UNC93B1: variants seen among roughly 807,000 people sequenced by gnomAD.
The protein encoded by UNC93B1 is unc-93B1 regulator of TLR signaling, also known as protein unc-93 homolog B1.
A neutral mutation model predicts 56.8 loss-of-function variants in UNC93B1; 33 were observed. That is an observed-to-expected ratio of 0.58 (90% CI 0.44 to 0.78). UNC93B1 has a LOEUF of 0.78. Ranked by LOEUF, UNC93B1 falls within the 30% of genes least tolerant of loss-of-function variation. The pLI, the probability that UNC93B1 is intolerant of heterozygous loss-of-function variation, is 0.00. For missense variants in UNC93B1, 673 were observed against 819.5 expected (o/e 0.82, Z 2.18); for synonymous variants, 334 against 358.6 (o/e 0.93, Z 0.77).
In UNC93B1 at chr11:68,003,444, G is replaced by C. The variant is rs1455641083; in HGVS notation, c.238+213C>G. 4 of 846,856 alleles carry C rather than the reference G, an allele frequency of 4.7e-6. No individual in the cohort carries two copies. In the Admixed American group the frequency reaches 1.1e-4, roughly 22 times the overall value. 52.5% of individuals were successfully genotyped at this position (846,856 alleles called of 1,614,324 possible). On this transcript the variant is annotated intron_variant, in intron 2 of 10. Transcript: ENST00000227471. This position sits in a 1 kb window ranked among gnomAD's most constrained non-coding sequence, Gnocchi z 4.4. ...GGTCTGTCCGGGAGCCCGGACCCCCGTCCCCCACCCACACCGAGGCTCTGG... is the reference window on the plus strand; with the variant it reads ...GGTCTGTCCGGGAGCCCGGACCCCCCTCCCCCACCCACACCGAGGCTCTGG...
Position 68,003,907 on chromosome 11 carries a change from A to C in UNC93B1, c.96+41T>G. 1 of 1,328,370 alleles carries C rather than the reference A, an allele frequency of 7.5e-7. No homozygotes were observed. Among genetic ancestry groups the C allele is most frequent in the Non-Finnish European group, 9.6e-7 (1 of 1,038,730 alleles). The allele number at this position is 1,328,370 out of a possible 1,614,324, so 82.3% of individuals were successfully genotyped here. On this transcript the variant is annotated intron_variant, in intron 1 of 10. Transcript: ENST00000227471. This position sits in a 1 kb window ranked among gnomAD's most constrained non-coding sequence, Gnocchi z 4.4. ...GCCCCCGCCGGGGGGACCCTGGCCC[A>C]CAGGGGACGCCCGCGCCTCGCACTC... is the stretch of plus-strand genomic sequence containing the variant.
Position 68,003,931 on chromosome 11 carries a change from T to C in UNC93B1, c.96+17A>G. ...CACAGGGGACGCCCGCGCCTCGCAC[T>C]CCGGGTCCCCGCTCACCGGGGCCTC... is the stretch of plus-strand genomic sequence containing the variant. On this transcript the variant is annotated intron_variant, in intron 1 of 10. Transcript: ENST00000227471. The surrounding 1 kb of genome is among the most constrained non-coding windows in gnomAD (Gnocchi z 4.4). 1 of 1,369,006 alleles carries C rather than the reference T, an allele frequency of 7.3e-7. No homozygotes were observed. The highest frequency in any genetic ancestry group is 9.5e-7 in the Non-Finnish European group (1 of 1,056,758). The allele number at this position is 1,369,006 out of a possible 1,614,324, so 84.8% of individuals were successfully genotyped here.
intron 5 of UNC93B1, 151 bp downstream of exon 5, chr11:67,999,022 T>G: frequency 7.7e-7 from 1 of 1,295,248 alleles, no homozygotes; most frequent in South Asian, 1.6e-5. Flanking sequence ...GCCCAGGAGT[T>G]CAAAGCCATC....
intron 3 of UNC93B1, among the ~76,000 whole-genome samples, chr11:68,001,320 A>G (rs931197868): frequency 5.9e-5 from 9 of 152,220 alleles, no homozygotes; most frequent in Non-Finnish European, 1.2e-4. Flanking sequence ...TATGGCTTGG[A>G]CCTAGTAAAG....
intron 8 of UNC93B1, 53 bp downstream of exon 8, chr11:67,996,549 T>C (rs1444114707): frequency 6.8e-7 from 1 of 1,478,512 alleles, no homozygotes; most frequent in Non-Finnish European, 9.0e-7. Flanking sequence ...TGAATTCAAA[T>C]TTACCTGGCT....
intron 10 of UNC93B1, among the ~76,000 whole-genome samples, chr11:67,992,905 C>T (rs1267437878): frequency 3.9e-5 from 6 of 151,914 alleles, no homozygotes; most frequent in Admixed American, 2.6e-4. Context: ...GATCTCAGAA[C>T]CCCCACCTCA....
chr11:67,995,318 C>T (rs1331236437), intron 9 of UNC93B1, among the ~76,000 whole-genome samples: 1 of 152,094 alleles, frequency 6.6e-6, no homozygotes, highest in Non-Finnish European at 1.5e-5. Context: ...GTTGATGGGG[C>T]CCTGTGCCCG....
At chr11:67,996,555 T>C in intron 8 of UNC93B1, 47 bp downstream of exon 8, 2 of 1,482,534 alleles carry the variant, frequency 1.3e-6, no homozygotes, top group South Asian at 2.7e-5. Context: ...CAAATTTACC[T>C]GGCTATCTTG....
chr11:68,000,213 G>A (rs1857023991), intron 3 of UNC93B1, among the ~76,000 whole-genome samples: 1 of 152,226 alleles, frequency 6.6e-6, no homozygotes, highest in Non-Finnish European at 1.5e-5. Context: ...GACAATAGAA[G>A]GGGCTTGGTG....
chr11:68,003,782 C>T lies in UNC93B1; in HGVS notation c.113G>A (p.Gly38Asp). 1.3e-6 allele frequency: 2 copies of T among 1,510,158 alleles called. No homozygotes were observed. The highest frequency in any genetic ancestry group is 1.8e-6 in the Non-Finnish European group (2 of 1,136,080). The allele number at this position is 1,510,158 out of a possible 1,614,324, so 93.5% of individuals were successfully genotyped here. A position where few individuals can be genotyped will look rare whatever the true frequency, so the allele number is the denominator to read the frequency against. The change falls in exon 2 of 11, where the codon GGC becomes GAC. Residue 38 changes from glycine to aspartate, a missense_variant. Physicochemically the swap from Gly to Asp is moderately conservative, Grantham distance 94. Coordinates refer to ENST00000227471, the MANE Select transcript of UNC93B1 (RefSeq NM_030930.4). The surrounding 1 kb of genome is among the most constrained non-coding windows in gnomAD (Gnocchi z 4.4). ...CTCCTCGTTGTAGTTGGGGTACGCG[C>T]CCACCAGCTCGTCCAGCTGCGAGCC... ...GPEAPLDELVGAYPNYNEEEE... is the reference protein window; with the variant it reads ...GPEAPLDELVDAYPNYNEEEE...
chr11:67,997,918 A>G (rs1282352737), intron 6 of UNC93B1, 119 bp from the exon 7 acceptor site: 30 of 1,435,412 alleles, frequency 2.1e-5, no homozygotes, highest in Admixed American at 6.0e-5. Context: ...GAGTGAGAGC[A>G]AGGGCAGAGT....
At position 67,996,789 on chromosome 11, in the gene UNC93B1, G is replaced by T; in HGVS notation, c.907-5C>A. 1 of 1,539,940 alleles carries T rather than the reference G, an allele frequency of 6.5e-7. No individual in the cohort carries two copies. ...GGCTCCGCACAAACCCAGCACCTGC[G>T]AACCCATTACTTGAAGGGGCGGCCA... On this transcript the variant is annotated splice_polypyrimidine_tract_variant and splice_region_variant and intron_variant, in intron 7 of 10. Coordinates refer to ENST00000227471, the MANE Select transcript of UNC93B1 (RefSeq NM_030930.4).
In UNC93B1 at chr11:67,991,599, G is replaced by A. The variant is rs1856842552; in HGVS notation, c.1741C>T (p.Arg581Trp). The change falls in exon 11 of 11, where the codon CGG (arginine) becomes TGG (tryptophan). Residue 581 changes from arginine (R) to tryptophan (W), a missense_variant. Around this residue, in one of 3 missense-constraint regions of UNC93B1, gnomAD observed 80 missense variants for 85.3 expected, o/e 0.94. Transcript: ENST00000227471. The part of the protein sequence containing the change: ...PGPEPAGLGR[R>W]PCPYEQAQGG... ...TGCGCCTGTTCGTACGGGCAGGGCC[G>A]GCGGCCGAGTCCAGCGGGCTCGGGG... 2 of 1,496,652 alleles carry A rather than the reference G, an allele frequency of 1.3e-6. No individual in the cohort carries two copies. The highest frequency in any genetic ancestry group is 1.8e-6 in the Non-Finnish European group (2 of 1,131,010). 92.7% of individuals were successfully genotyped at this position (1,496,652 alleles called of 1,614,324 possible).
intron 5 of UNC93B1, 100 bp from the exon 6 acceptor site, chr11:67,998,552 C>A (rs368094076): frequency 5.1e-6 from 6 of 1,188,066 alleles, no homozygotes; most frequent in East Asian, 2.3e-5. Flanking sequence ...CTTGGGGGAA[C>A]AGGGGCCTTC....
chr11:68,003,153 G>T lies in UNC93B1; in HGVS notation c.261C>A (p.Ile87=). ...VYLGLLQMQL[I]LHYDETYREV... Reference sequence around the variant, plus strand: ...CGCGGTAGGTCTCGTCGTAGTGCAGGATCAGCTGCATCTGCAGGAGGCCTG... The same window carrying T: ...CGCGGTAGGTCTCGTCGTAGTGCAGTATCAGCTGCATCTGCAGGAGGCCTG... Residue 87 remains isoleucine, a synonymous_variant, in exon 3 of 11, where the codon ATC becomes ATA. Transcript: ENST00000227471. This position sits in a 1 kb window ranked among gnomAD's most constrained non-coding sequence, Gnocchi z 4.4. The T allele has an allele frequency of 6.2e-7, 1 of 1,612,776 alleles. No homozygotes were observed. Among genetic ancestry groups the T allele is most frequent in the Non-Finnish European group, 8.5e-7 (1 of 1,179,790 alleles).
intron 9 of UNC93B1, among the ~76,000 whole-genome samples, chr11:67,995,194 C>A (rs923509885): frequency 6.6e-6 from 1 of 152,156 alleles, no homozygotes; most frequent in Non-Finnish European, 1.5e-5. Context: ...AGCCCTGTCC[C>A]CTGGTATGAA....
Position 68,003,182 on chromosome 11 carries a change from ACAGG to A in UNC93B1, c.239-11_239-8del, listed in dbSNP as rs1857074819. 6.2e-7 allele frequency: 1 copy of A among 1,609,044 alleles called. No homozygotes were observed. The highest frequency in any genetic ancestry group is 8.5e-7 in the Non-Finnish European group (1 of 1,179,272). ...AGCTGCATCTGCAGGAGGCCTGGGG[ACAGG>A]ACAGAGAGCGGCGTGCAGGGAGCAG... On this transcript the variant is annotated splice_region_variant and splice_polypyrimidine_tract_variant and intron_variant, in intron 2 of 10. Transcript: ENST00000227471. This position sits in a 1 kb window ranked among gnomAD's most constrained non-coding sequence, Gnocchi z 4.4.
chr11:67,998,292 G>A, intron 6 of UNC93B1, 67 bp downstream of exon 6: 1 of 1,555,036 alleles, frequency 6.4e-7, no homozygotes, highest in Non-Finnish European at 8.9e-7. Flanking sequence ...GTGAGTGAGG[G>A]CCCAGTGTCT....
intron 5 of UNC93B1, 117 bp downstream of exon 5, chr11:67,999,056 C>A: frequency 6.8e-7 from 1 of 1,467,150 alleles, no homozygotes; most frequent in Non-Finnish European, 9.1e-7. Context: ...GAGACCAGGC[C>A]TCTTAAAAAT....
Sources: gnomAD v4.1 joint callset for allele counts (sites outside exome capture counted in the v4.1 genomes callset) on GRCh38, gnomAD v4.1.1 for gene constraint, gnomAD v4.1.1 regional missense constraint, Gnocchi (gnomAD v3.1) non-coding constraint, MANE v1.5 for transcripts, NCBI Gene and HGNC (gene_info 2026-07-23, HGNC 2026-07-21) for gene names.